COL5A2: variants seen among roughly 807,000 people sequenced by gnomAD.
The protein encoded by COL5A2 is collagen alpha-2(V) chain.
COL5A2 carries 23 observed loss-of-function variants against 208.2 expected under a neutral mutation model. The observed-to-expected ratio is 0.11, with a 90% confidence interval of 0.08 to 0.16. The LOEUF is 0.16. Ranked by LOEUF, COL5A2 falls within the 10% of genes least tolerant of loss-of-function variation. COL5A2 has a pLI of 1.00. For missense variants in COL5A2, 1,590 were observed against 1,956.4 expected, an observed-to-expected ratio of 0.81 and a Z score of 3.53; for synonymous variants, 625 against 628.5, an observed-to-expected ratio of 0.99 and a Z score of 0.08.
chr2:189,084,045 GA>G lies in COL5A2; in HGVS notation c.799-9del. 5 of 1,609,942 alleles carry G rather than the reference GA, an allele frequency of 3.1e-6. No homozygotes were observed. The highest frequency in any genetic ancestry group is 4.2e-6 in the Non-Finnish European group (5 of 1,176,530). ...ATTTCTGCCAGGTTCACCCTTTATG[GA>G]AAAAAATGTAGGAGATTGGGAAGGC... is the stretch of plus-strand genomic sequence containing the variant. On this transcript the variant is annotated splice_polypyrimidine_tract_variant and intron_variant, in intron 11 of 53. Coordinates refer to ENST00000374866, the MANE Select transcript of COL5A2 (RefSeq NM_000393.5).
the COL5A2 span, among the ~76,000 whole-genome samples, chr2:189,352,299 T>A: frequency 6.6e-6 from 1 of 152,208 alleles, no homozygotes; most frequent in Non-Finnish European, 1.5e-5. Flanking sequence ...TGATTTATAA[T>A]CCTTTGGGTA....
At chr2:189,236,378 T>C in the COL5A2 span, among the ~76,000 whole-genome samples, 36 of 151,894 alleles carry the variant, frequency 2.4e-4, no homozygotes, top group East Asian at 6.4e-3. Context: ...ATGTGAAATA[T>C]ATATCGCAGA....
At chr2:189,394,722 C>T in the COL5A2 span, among the ~76,000 whole-genome samples, 1 of 152,028 alleles carries the variant, frequency 6.6e-6, no homozygotes, top group African/African-American at 2.4e-5. Context: ...CCTCTGTCTC[C>T]ATGACAGGCT....
chr2:189,314,597 G>A, the COL5A2 span, among the ~76,000 whole-genome samples: 2 of 152,140 alleles, frequency 1.3e-5, no homozygotes, highest in Admixed American at 6.5e-5. Context: ...CAGCTGAACT[G>A]AAGGAGACTG....
intron 1 of COL5A2, among the ~76,000 whole-genome samples, chr2:189,123,505 G>A (rs1312708552): frequency 6.6e-6 from 1 of 152,090 alleles, no homozygotes; most frequent in Non-Finnish European, 1.5e-5. Flanking sequence ...TATAAGGAGG[G>A]AAGAGGGGAA....
At chr2:189,217,108 T>C (rs1165121526) in intron 1 of COL5A2, among the ~76,000 whole-genome samples, 3 of 152,186 alleles carry the variant, frequency 2.0e-5, no homozygotes, top group Non-Finnish European at 4.4e-5. Context: ...TATTTAAGAA[T>C]GAAGATTCAT....
chr2:189,190,418 A>G (rs1688908927), intron 1 of COL5A2, among the ~76,000 whole-genome samples: 1 of 152,234 alleles, frequency 6.6e-6, no homozygotes, highest in Admixed American at 6.5e-5. Context: ...TAAATACAAT[A>G]CACAGCTAAC....
the COL5A2 span, among the ~76,000 whole-genome samples, chr2:189,417,897 T>C: frequency 6.6e-6 from 1 of 152,086 alleles, no homozygotes; most frequent in East Asian, 1.9e-4. Context: ...GACACTTTGA[T>C]TCCATATGTC....
rs113703093 is a variant in COL5A2 at position 189,191,502 on chromosome 2, A to G, written c.-42+33646T>C. Among the ~76,000 whole-genome samples, 34 of 152,050 alleles carry G rather than the reference A, an allele frequency of 2.2e-4. 1 individual carries two copies. Among genetic ancestry groups the G allele is most frequent in the African/African-American group, 8.2e-4 (34 of 41,490 alleles). On this transcript the variant is annotated intron_variant, in intron 1 of 10. Transcript: ENST00000649966. ...CTAAAAACACAAAAATTAGCCAGGG[A>G]TGGTGGGGGGCACCAGTAGTCCCAG...
intron 1 of COL5A2, among the ~76,000 whole-genome samples, chr2:189,138,804 A>G (rs777855344): frequency 2.6e-5 from 4 of 152,246 alleles, no homozygotes; most frequent in Non-Finnish European, 5.9e-5. Flanking sequence ...CAAAACTGAA[A>G]CAGTTTGACA....
At chr2:189,197,572 G>A (rs1689021373) in intron 1 of COL5A2, among the ~76,000 whole-genome samples, 1 of 151,814 alleles carries the variant, frequency 6.6e-6, no homozygotes, top group Non-Finnish European at 1.5e-5. Context: ...GCTTTGTTGT[G>A]GCAAGGAAGG....
the COL5A2 span, among the ~76,000 whole-genome samples, chr2:189,349,222 G>T: frequency 6.6e-6 from 1 of 152,082 alleles, no homozygotes; most frequent in African/African-American, 2.4e-5. Context: ...ATGAAATTTG[G>T]CTGGCCTACA....
At position 189,065,049 on chromosome 2, in the gene COL5A2, A is replaced by C. The variant is rs748779986; in HGVS notation, c.1572T>G (p.Pro524=). ...PPGPVGERGA[P]GNRGFPGSDG... ...CAGAGCCTGGAAAACCACGATTGCC[A>C]GGAGCACCCTACAAATGACCAAAAT... The change falls in exon 24 of 54, where the codon CCT becomes CCG. Residue 524 remains proline, a synonymous_variant. Transcript: ENST00000374866. 2 of 1,613,658 alleles carry C rather than the reference A, an allele frequency of 1.2e-6. No individual in the cohort carries two copies.
intron 1 of COL5A2, among the ~76,000 whole-genome samples, chr2:189,154,828 T>C (rs1038390810): frequency 6.6e-6 from 1 of 152,134 alleles, no homozygotes; most frequent in African/African-American, 2.4e-5. Flanking sequence ...AGCACCTCCA[T>C]TATATTCACT....
the COL5A2 span, among the ~76,000 whole-genome samples, chr2:189,323,835 T>C: frequency 6.6e-6 from 1 of 152,114 alleles, no homozygotes. Context: ...AAAGTTCATA[T>C]GGAACCAAAA....
the COL5A2 span, among the ~76,000 whole-genome samples, chr2:189,428,619 A>T: frequency 5.3e-5 from 8 of 151,616 alleles, no homozygotes; most frequent in African/African-American, 1.9e-4. Context: ...CTCCGTCTGA[A>T]AAAAAAAATA....
At chr2:189,086,864 G>A in intron 8 of COL5A2, 94 bp from the exon 9 acceptor site, 8 of 1,110,834 alleles carry the variant, frequency 7.2e-6, no homozygotes, top group Non-Finnish European at 1.1e-5. Flanking sequence ...ATCTGGAAAA[G>A]TGAAGTTTTG....
chr2:189,416,627 G>T, the COL5A2 span, among the ~76,000 whole-genome samples: 1 of 152,024 alleles, frequency 6.6e-6, no homozygotes, highest in Non-Finnish European at 1.5e-5. Flanking sequence ...CGAGTTAATG[G>T]GTGCAGCACA....
In COL5A2 at chr2:189,034,775, C is replaced by T; in HGVS notation, c.4353+141G>A. 3.3e-6 allele frequency: 3 copies of T among 915,796 alleles called. No homozygotes were observed. The South Asian group carries it at 4.5e-5, about 14-fold the overall frequency. 56.7% of individuals were successfully genotyped at this position (915,796 alleles called of 1,614,324 possible). A position where few individuals can be genotyped will look rare whatever the true frequency, so the allele number is the denominator to read the frequency against. On this transcript the variant is annotated intron_variant, in intron 53 of 53. Transcript: ENST00000374866. ...CATGTGCTAACACACACACATTTAC[C>T]CTAAGGAATGACTATAAACAAACTG...
Sources: gnomAD v4.1 joint callset for allele counts (sites outside exome capture counted in the v4.1 genomes callset) on GRCh38, gnomAD v4.1.1 for gene constraint, MANE v1.5 for transcripts, NCBI Gene and HGNC (gene_info 2026-07-23, HGNC 2026-07-21) for gene names.